Variants in DMD observed in about 807,000 individuals in gnomAD.
The protein encoded by DMD is dystrophin.
In DMD, 63 loss-of-function variants were observed where a neutral mutation model predicts 330.1. That is an observed-to-expected ratio of 0.19 (90% CI 0.16 to 0.24). The LOEUF is 0.24. Ranked by LOEUF, DMD falls within the 10% of genes least tolerant of loss-of-function variation. The pLI, the probability that DMD is intolerant of heterozygous loss-of-function variation, is 1.00. For missense variants in DMD, 3,344 were observed against 2,684.1 expected (o/e 1.25, Z -5.43); for synonymous variants, 1,223 against 959.8 (o/e 1.27, Z -5.07).
intron 52 of DMD, among the ~76,000 whole-genome samples, chrX:31,691,037 G>A (rs1351651207): frequency 9.1e-6 from 1 of 110,062 alleles, no homozygotes; most frequent in African/African-American, 3.3e-5. Context: ...TTAATGGGTG[G>A]AGCATACCAA....
intron 1 of DMD, among the ~76,000 whole-genome samples, chrX:33,255,109 G>A (rs2052835299): frequency 9.0e-6 from 1 of 110,629 alleles, no homozygotes; most frequent in Non-Finnish European, 1.9e-5. Context: ...TAAATTCTTG[G>A]TGTAACACTC....
intron 25 of DMD, among the ~76,000 whole-genome samples, chrX:32,460,959 C>G (rs1433151314): frequency 9.0e-6 from 1 of 111,704 alleles, no homozygotes; most frequent in Middle Eastern, 4.2e-3. Flanking sequence ...TCACTTATAT[C>G]TGATCATTTT....
At chrX:32,465,218 C>G (rs1467974298) in intron 23 of DMD, among the ~76,000 whole-genome samples, 1 of 111,764 alleles carries the variant, frequency 8.9e-6, no homozygotes, top group Non-Finnish European at 1.9e-5. Context: ...ATTTGTCTGA[C>G]CAGTACGAAG....
intron 43 of DMD, among the ~76,000 whole-genome samples, chrX:32,277,158 G>A (rs1053865955): frequency 5.5e-5 from 6 of 109,971 alleles, no homozygotes; most frequent in African/African-American, 2.0e-4. Flanking sequence ...AGACCAAATC[G>A]ATATCAGGAC....
At chrX:32,755,783 G>T (rs1299599821) in intron 7 of DMD, among the ~76,000 whole-genome samples, 1 of 111,973 alleles carries the variant, frequency 8.9e-6, no homozygotes, top group Non-Finnish European at 1.9e-5. Flanking sequence ...AAGTGATCAA[G>T]AAAATGGTTG....
intron 67 of DMD, among the ~76,000 whole-genome samples, chrX:31,191,191 ATGTGTGTGTG>A (rs34438085): frequency 1.9e-5 from 2 of 107,164 alleles, no homozygotes; most frequent in African/African-American, 3.4e-5. Context: ...TACAATGTGT[ATGTGTGTGTG>A]TGTGTGTGTG....
chrX:32,578,402 G>A (rs768378382), intron 13 of DMD, among the ~76,000 whole-genome samples: 114 of 111,949 alleles, frequency 1.0e-3, no homozygotes, highest in African/African-American at 3.5e-3. Context: ...AGCAGTAAGT[G>A]AAGCTAAAGG....
chrX:32,911,416 C>T (rs1432225246), intron 2 of DMD, among the ~76,000 whole-genome samples: 1 of 112,026 alleles, frequency 8.9e-6, no homozygotes, highest in Non-Finnish European at 1.9e-5. Flanking sequence ...TATTGTAGAA[C>T]TTAATTCATA....
chrX:32,796,333 C>A (rs567923994), intron 7 of DMD, among the ~76,000 whole-genome samples: 8 of 111,146 alleles, frequency 7.2e-5, no homozygotes, highest in African/African-American at 2.6e-4. Context: ...AATGAAACTG[C>A]AGGTTATTAA....
At chrX:33,243,556 C>T (rs896957170) in intron 1 of DMD, among the ~76,000 whole-genome samples, 1 of 111,122 alleles carries the variant, frequency 9.0e-6, no homozygotes, top group Admixed American at 9.6e-5. Flanking sequence ...GGGTATCTAC[C>T]CAAATGAAAA....
chrX:32,445,172 T>TG (rs2098298197), intron 27 of DMD, among the ~76,000 whole-genome samples: 1 of 111,300 alleles, frequency 9.0e-6, no homozygotes. Context: ...AGATCTTTTT[T>TG]GGGGGGTTCA....
intron 52 of DMD, among the ~76,000 whole-genome samples, chrX:31,698,788 A>C (rs1336687384): frequency 8.9e-6 from 1 of 111,816 alleles, no homozygotes; most frequent in Non-Finnish European, 1.9e-5. Flanking sequence ...CAGATCAAAA[A>C]GCTAAAAACA....
chrX:31,351,744 A>AAAAAAAAAAAAAAG, intron 60 of DMD, among the ~76,000 whole-genome samples: 1 of 95,527 alleles, frequency 1.0e-5, no homozygotes, highest in Non-Finnish European at 2.1e-5. Flanking sequence ...AAAAAAAAAA[A>AAAAAAAAAAAAAAG]GCAAAAAAGG....
At chrX:31,203,312 G>GAA (rs11458646) in intron 67 of DMD, among the ~76,000 whole-genome samples, 7 of 91,398 alleles carry the variant, frequency 7.7e-5, no homozygotes, top group East Asian at 3.5e-4. Flanking sequence ...AAAGGAAAGA[G>GAA]AAAAAAAAAT....
At chrX:31,151,250 G>A (rs1461903961) in intron 74 of DMD, among the ~76,000 whole-genome samples, 1 of 112,239 alleles carries the variant, frequency 8.9e-6, no homozygotes, top group Non-Finnish European at 1.9e-5. Flanking sequence ...CATTCCATAG[G>A]AATTACTTTC....
chrX:32,422,733 C>A (rs1437461452), intron 29 of DMD, among the ~76,000 whole-genome samples: 1 of 111,479 alleles, frequency 9.0e-6, no homozygotes, highest in Non-Finnish European at 1.9e-5. Flanking sequence ...CTGGAATACA[C>A]TGCAAAGAAA....
intron 13 of DMD, among the ~76,000 whole-genome samples, chrX:32,580,588 T>A (rs1327332694): frequency 2.7e-5 from 3 of 111,740 alleles, no homozygotes; most frequent in African/African-American, 6.5e-5. Flanking sequence ...ATTGAGATGC[T>A]TGTGATAGTA....
At chrX:33,154,329 G>A (rs1043808789) in intron 1 of DMD, among the ~76,000 whole-genome samples, 15 of 111,476 alleles carry the variant, frequency 1.3e-4, no homozygotes, top group African/African-American at 4.9e-4. Flanking sequence ...CCCAGGAGGC[G>A]GAAGTTGCAG....
intron 7 of DMD, among the ~76,000 whole-genome samples, chrX:32,721,439 G>A (rs894347877): frequency 1.8e-5 from 2 of 108,838 alleles, no homozygotes; most frequent in African/African-American, 6.7e-5. Flanking sequence ...ATTTTGATTT[G>A]CATTTCCCTA....
Sources: gnomAD v4.1 joint callset for allele counts (sites outside exome capture counted in the v4.1 genomes callset) on GRCh38, gnomAD v4.1.1 for gene constraint, MANE v1.5 for transcripts, NCBI Gene and HGNC (gene_info 2026-07-23, HGNC 2026-07-21) for gene names.